The following NIPBL variants were observed in gnomAD, a reference collection of about 807,000 sequenced individuals.
NIPBL encodes NIPBL cohesin loading factor.
NIPBL carries 19 observed loss-of-function variants against 321.8 expected under a neutral mutation model. The observed-to-expected ratio is 0.06, with a 90% CI of 0.04 to 0.09. The LOEUF (loss-of-function observed/expected upper bound fraction) is 0.09, where lower values mean the gene tolerates loss of function less well. Ranked by LOEUF, NIPBL falls within the 10% of genes least tolerant of loss-of-function variation. The pLI is 1.00. For missense variants in NIPBL, 2,210 were observed against 3,327.0 expected (o/e 0.66, Z 8.26); for synonymous variants, 1,106 against 1,114.1 (o/e 0.99, Z 0.14).
chr5:37,051,987 GTCTTAC>G, intron 41 of NIPBL, 101 bp downstream of exon 41: 1 of 845,010 alleles, frequency 1.2e-6, no homozygotes. Flanking sequence ...GGAATAAAAT[GTCTTAC>G]TTAGTACCTA....
Position 36,921,712 on chromosome 5 carries a change from A to G in NIPBL, c.-79-31906A>G, listed in dbSNP as rs532356561. Among the ~76,000 whole-genome samples, 24 of 152,312 alleles carry G rather than the reference A, an allele frequency of 1.6e-4. 1 individual carries two copies. The South Asian group carries it at 4.8e-3, about 30-fold the overall frequency. On this transcript the variant is annotated intron_variant, in intron 1 of 46. Transcript: ENST00000282516. ...TTTATAAAGCTATTTTAATGAAAAT[A>G]CCAGCTTTCCAAAATGAATGGGACA...
chr5:37,003,174 C>A, intron 15 of NIPBL, 87 bp from the exon 16 acceptor site: 1 of 856,370 alleles, frequency 1.2e-6, no homozygotes, highest in Non-Finnish European at 2.0e-6. Flanking sequence ...TCCTCCATAG[C>A]TCAAAGGGAA....
chr5:36,981,688 G>C (rs1744161159), intron 9 of NIPBL, among the ~76,000 whole-genome samples: 1 of 151,770 alleles, frequency 6.6e-6, no homozygotes, highest in South Asian at 2.1e-4. Flanking sequence ...TTTTGTCAAA[G>C]AGGGGGTTCC....
intron 9 of NIPBL, among the ~76,000 whole-genome samples, chr5:36,979,166 A>G (rs1743858958): frequency 6.6e-6 from 1 of 151,972 alleles, no homozygotes. Flanking sequence ...GAATCTGTAG[A>G]TTACTTTGGG....
chr5:37,020,985 T>C, intron 27 of NIPBL, 108 bp downstream of exon 27: 1 of 866,150 alleles, frequency 1.2e-6, no homozygotes, highest in Non-Finnish European at 2.0e-6. Context: ...ACTTAAAAGA[T>C]CATAGATGTA....
intron 1 of NIPBL, among the ~76,000 whole-genome samples, chr5:36,937,280 T>C (rs1237901825): frequency 6.6e-6 from 1 of 152,184 alleles, no homozygotes; most frequent in Admixed American, 6.5e-5. Context: ...ATTTATTCCT[T>C]GCCTTAATTA....
chr5:36,938,842 A>G (rs938753295), intron 1 of NIPBL, among the ~76,000 whole-genome samples: 1 of 152,184 alleles, frequency 6.6e-6, no homozygotes, highest in Admixed American at 6.6e-5. Flanking sequence ...GCTTGTTCAT[A>G]TTTAACCAGC....
rs753804411 is a variant in NIPBL at position 37,026,225 on chromosome 5, C to G, written c.5710-4C>G. The stretch of plus-strand genomic sequence containing the variant: ...AGTTAATTTGAAATTTCTCTTCCTT[C>G]TAGAAATTAGTAAATGAAACATTCC... On this transcript the variant is annotated splice_polypyrimidine_tract_variant and splice_region_variant and intron_variant, in intron 30 of 46. Coordinates refer to ENST00000282516, the MANE Select transcript of NIPBL (RefSeq NM_133433.4). 1.9e-6 allele frequency: 3 copies of G among 1,554,364 alleles called. No homozygotes were observed. The highest frequency in any genetic ancestry group is 2.7e-6 in the Non-Finnish European group (3 of 1,127,162).
chr5:37,019,966 A>G (rs372970247), intron 25 of NIPBL, among the ~76,000 whole-genome samples: 258 of 152,296 alleles, frequency 1.7e-3, no homozygotes, highest in African/African-American at 5.9e-3. Context: ...CAAATACTGT[A>G]GGTTTTCAGT....
chr5:36,969,517 T>G lies in NIPBL; in HGVS notation c.611-1359T>G, dbSNP rs1742617142. On this transcript the variant is annotated intron_variant, in intron 6 of 46. Coordinates refer to ENST00000282516, the MANE Select transcript of NIPBL (RefSeq NM_133433.4). ...CATTATATCTTAATGGGGGAAAGAA[T>G]GATTTCTTTAATTAATGATGCAGTT... Among the ~76,000 whole-genome samples the G allele has an allele frequency of 2.0e-5, 3 of 152,174 alleles. No homozygotes were observed. The South Asian group carries it at 6.2e-4, about 32-fold the overall frequency.
intron 21 of NIPBL, among the ~76,000 whole-genome samples, chr5:37,012,626 G>GT (rs1273185831): frequency 6.6e-6 from 1 of 152,156 alleles, no homozygotes; most frequent in Non-Finnish European, 1.5e-5. Flanking sequence ...CTTCCGCAGT[G>GT]TTTGTGTCCC....
chr5:36,886,320 G>A, intron 1 of NIPBL: 1 of 686,988 alleles, frequency 1.5e-6, no homozygotes, highest in Middle Eastern at 3.9e-4. Flanking sequence ...TCAAGGTCAA[G>A]CTGGAGGCTG....
At chr5:36,973,926 C>T (rs1033401995) in intron 8 of NIPBL, among the ~76,000 whole-genome samples, 4 of 152,028 alleles carry the variant, frequency 2.6e-5, no homozygotes, top group Non-Finnish European at 5.9e-5. Flanking sequence ...TGAGAACCTG[C>T]GGTGTTTGGT....
At chr5:36,981,925 T>A (rs1744192581) in intron 9 of NIPBL, among the ~76,000 whole-genome samples, 1 of 151,550 alleles carries the variant, frequency 6.6e-6, no homozygotes, top group Non-Finnish European at 1.5e-5. Context: ...GGTTGAGGGG[T>A]GGTGTGTTTT....
intron 1 of NIPBL, among the ~76,000 whole-genome samples, chr5:36,938,595 G>A (rs1249819240): frequency 6.6e-6 from 1 of 152,080 alleles, no homozygotes; most frequent in East Asian, 1.9e-4. Context: ...AAATCAGCTA[G>A]TTTGAACATT....
At chr5:36,956,972 C>T (rs1337134564) in intron 3 of NIPBL, among the ~76,000 whole-genome samples, 2 of 151,730 alleles carry the variant, frequency 1.3e-5, no homozygotes, top group East Asian at 3.9e-4. Flanking sequence ...TAGTTTTCAC[C>T]AAATATTTAA....
intron 1 of NIPBL, among the ~76,000 whole-genome samples, chr5:36,893,639 CTT>C (rs1408849644): frequency 6.6e-6 from 1 of 151,948 alleles, no homozygotes; most frequent in Admixed American, 6.6e-5. Flanking sequence ...TTGATATGGA[CTT>C]TTTTTGAGTC....
At chr5:36,905,265 T>G (rs1747544894) in intron 1 of NIPBL, among the ~76,000 whole-genome samples, 1 of 152,212 alleles carries the variant, frequency 6.6e-6, no homozygotes, top group Non-Finnish European at 1.5e-5. Flanking sequence ...TGTGTGTTCA[T>G]GGGATCAGTT....
chr5:37,040,000 A>G (rs1752154711), intron 34 of NIPBL, among the ~76,000 whole-genome samples: 1 of 152,136 alleles, frequency 6.6e-6, no homozygotes, highest in Admixed American at 6.5e-5. Context: ...TTGTGAAGTA[A>G]GTACTATTAT....
Sources: allele counts gnomAD v4.1 joint callset (sites outside exome capture counted in the v4.1 genomes callset), GRCh38; gene constraint gnomAD v4.1.1; transcripts MANE v1.5; gene names NCBI Gene and HGNC (gene_info 2026-07-23, HGNC 2026-07-21).